Variants in FILIP1 observed in about 807,000 individuals in gnomAD.
FILIP1 encodes the protein filamin A interacting protein 1.
FILIP1 carries 61 observed loss-of-function variants against 102.1 expected under a neutral mutation model. The observed-to-expected ratio is 0.60, with a 90% CI of 0.49 to 0.74. FILIP1 has a LOEUF of 0.74. Ranked by LOEUF, FILIP1 falls within the 30% of genes least tolerant of loss-of-function variation. FILIP1 has a pLI of 0.00. For synonymous variants in FILIP1, 491 were observed against 526.9 expected (o/e 0.93, Z 0.93); for missense variants, 1,314 against 1,441.2 (o/e 0.91, Z 1.43).
intron 2 of FILIP1, among the ~76,000 whole-genome samples, chr6:75,373,520 G>C (rs1321698449): frequency 6.6e-6 from 1 of 151,592 alleles, no homozygotes; most frequent in Non-Finnish European, 1.5e-5. Flanking sequence ...GTCTAGCCTG[G>C]TCTTGAGCTC....
intron 1 of FILIP1, among the ~76,000 whole-genome samples, chr6:75,488,874 GTACTT>G: frequency 6.6e-6 from 1 of 152,212 alleles, no homozygotes; most frequent in South Asian, 2.1e-4. Flanking sequence ...GTCTTGGAAT[GTACTT>G]TTCTTTTCAT....
chr6:75,370,835 C>G (rs900346720), intron 2 of FILIP1, among the ~76,000 whole-genome samples: 1 of 152,060 alleles, frequency 6.6e-6, no homozygotes, highest in Non-Finnish European at 1.5e-5. Flanking sequence ...CCTCAGCCCC[C>G]CAAAGTGCTG....
chr6:75,341,402 C>A (rs1021700533), intron 4 of FILIP1, among the ~76,000 whole-genome samples: 8 of 151,806 alleles, frequency 5.3e-5, no homozygotes, highest in Non-Finnish European at 1.0e-4. Flanking sequence ...AAGTGATCTG[C>A]CTGCCTCAGA....
intron 2 of FILIP1, among the ~76,000 whole-genome samples, chr6:75,390,756 ACC>A (rs1232109823): frequency 6.6e-6 from 1 of 152,012 alleles, no homozygotes; most frequent in Non-Finnish European, 1.5e-5. Context: ...ACACATCCAA[ACC>A]ATATCAATAG....
chr6:75,390,021 C>T (rs1049060022), intron 2 of FILIP1, among the ~76,000 whole-genome samples: 18 of 152,218 alleles, frequency 1.2e-4, no homozygotes, highest in African/African-American at 4.1e-4. Flanking sequence ...AACAAACAAA[C>T]AAAATACAGG....
intron 4 of FILIP1, among the ~76,000 whole-genome samples, chr6:75,349,193 C>A (rs1373928767): frequency 6.6e-6 from 1 of 152,192 alleles, no homozygotes; most frequent in Non-Finnish European, 1.5e-5. Context: ...ATCTGGATGG[C>A]TTATCAACAG....
At chr6:75,350,885 T>A (rs1774776196) in intron 4 of FILIP1, among the ~76,000 whole-genome samples, 1 of 152,192 alleles carries the variant, frequency 6.6e-6, no homozygotes, top group African/African-American at 2.4e-5. Flanking sequence ...TGATTTTCGA[T>A]ATTCTAAAAA....
intron 1 of FILIP1, among the ~76,000 whole-genome samples, chr6:75,441,829 C>G: frequency 7.0e-6 from 1 of 143,074 alleles, no homozygotes; most frequent in East Asian, 2.2e-4. Context: ...GCTGGCCGGG[C>G]GGGGGGCTGG....
intron 4 of FILIP1, among the ~76,000 whole-genome samples, chr6:75,340,553 C>T (rs537955312): frequency 6.6e-6 from 1 of 152,328 alleles, no homozygotes; most frequent in East Asian, 1.9e-4. Flanking sequence ...ATTCCATCAG[C>T]TCTATTGGTC....
In FILIP1 at chr6:75,312,618, C is replaced by G; in HGVS notation, c.3214G>C (p.Gly1072Arg). 1 of 1,614,112 alleles carries G rather than the reference C, an allele frequency of 6.2e-7. No individual in the cohort carries two copies. Among genetic ancestry groups the G allele is most frequent in the Non-Finnish European group, 8.5e-7 (1 of 1,180,040 alleles). ...CCAGGGGACCGTTTAAACTGAGACC[C>G]TAAGTGAATGTGAATTTTATTGTCC... ...TEDNKIHIHL[G>R]SQFKRSPGTS... Residue 1072 changes from glycine to arginine, a missense_variant, in exon 5 of 6, where the codon GGG becomes CGG. This residue lies in a region of FILIP1 where 816 missense variants were observed against 913.1 expected (regional missense o/e 0.89). Coordinates refer to ENST00000237172, the MANE Select transcript of FILIP1 (RefSeq NM_015687.5).
Position 75,308,709 on chromosome 6 carries a change from G to A in FILIP1, c.3624C>T (p.Leu1208=), listed in dbSNP as rs780551073. Residue 1208 remains leucine (L), a synonymous_variant, in exon 6 of 6, where the codon CTC becomes CTT. Coordinates refer to ENST00000237172, the MANE Select transcript of FILIP1 (RefSeq NM_015687.5). ...ACTGCCCTCAGCCCTTCCCCCCTCC[G>A]AGAGAGGTGGTGCTGCTGGCTGCAG... ...KKSAASSTTS[L]GGGKG is the part of the protein sequence containing the mutation. 19 of 1,612,912 alleles carry A rather than the reference G, an allele frequency of 1.2e-5. No individual in the cohort carries two copies. The highest frequency in any genetic ancestry group is 2.7e-5 in the African/African-American group (2 of 74,830).
intron 6 of FILIP1, among the ~76,000 whole-genome samples, chr6:75,300,541 C>T (rs1772811344): frequency 1.3e-5 from 2 of 152,186 alleles, no homozygotes; most frequent in East Asian, 3.8e-4. Context: ...GATTTACTTT[C>T]AAGTTTCTCA....
chr6:75,402,910 G>A (rs1776706059), intron 2 of FILIP1, among the ~76,000 whole-genome samples: 1 of 152,078 alleles, frequency 6.6e-6, no homozygotes, highest in African/African-American at 2.4e-5. Flanking sequence ...GTCTCATAGG[G>A]TGTATAAATA....
rs538875415 is a variant in FILIP1, at chr6:75,487,115, C to T, written c.-7+6299G>A. 3.9e-5 allele frequency among the ~76,000 whole-genome samples: 6 copies of T among 152,192 alleles called. No individual in the cohort carries two copies. The South Asian group carries it at 1.2e-3, about 32-fold the overall frequency. ...TGAAAGTTAAGCTTATATGTAAGGC[C>T]ACTCCCTGATCCAAATACCAGGCTG... On this transcript the variant is annotated intron_variant, in intron 1 of 5. Coordinates refer to ENST00000237172, the MANE Select transcript of FILIP1 (RefSeq NM_015687.5).
intron 2 of FILIP1, among the ~76,000 whole-genome samples, chr6:75,381,402 G>A (rs1221207392): frequency 6.6e-6 from 1 of 152,028 alleles, no homozygotes. Context: ...GCTAATTTTT[G>A]TATTTTTAGT....
chr6:75,484,085 T>C (rs1453995965), intron 1 of FILIP1, among the ~76,000 whole-genome samples: 1 of 152,186 alleles, frequency 6.6e-6, no homozygotes, highest in Non-Finnish European at 1.5e-5. Flanking sequence ...CTTGCTTTAC[T>C]TCTTTTTCCA....
chr6:75,329,540 A>G (rs1039447351), intron 4 of FILIP1, among the ~76,000 whole-genome samples: 10 of 152,134 alleles, frequency 6.6e-5, no homozygotes, highest in African/African-American at 2.4e-4. Flanking sequence ...CCCCTTGGGT[A>G]CGCCTCTCTG....
intron 4 of FILIP1, chr6:75,319,335 C>T: frequency 3.1e-6 from 2 of 642,218 alleles, no homozygotes; most frequent in Admixed American, 1.9e-5. Context: ...GATTTTTGGG[C>T]GATACTCAGA....
At chr6:75,407,795 C>T (rs1334149688) in intron 2 of FILIP1, among the ~76,000 whole-genome samples, 1 of 152,058 alleles carries the variant, frequency 6.6e-6, no homozygotes, top group Non-Finnish European at 1.5e-5. Context: ...TCGTTTTTTG[C>T]TAAAATGTAG....
Sources: gnomAD v4.1 joint callset for allele counts (sites outside exome capture counted in the v4.1 genomes callset) on GRCh38, gnomAD v4.1.1 for gene constraint, gnomAD v4.1.1 regional missense constraint, MANE v1.5 for transcripts, NCBI Gene and HGNC (gene_info 2026-07-23, HGNC 2026-07-21) for gene names.